Variants in CSMD1 observed in about 807,000 individuals in gnomAD.
CSMD1 encodes the protein CUB and sushi domain-containing protein 1.
Under a neutral mutation model 417.5 loss-of-function variants are expected in CSMD1, and 213 were observed. That is an observed-to-expected ratio of 0.51 (90% CI 0.46 to 0.57). CSMD1 has a LOEUF of 0.57. Among genes scored for constraint, CSMD1 ranks in the 20% least tolerant of loss-of-function variants. CSMD1 has a pLI of 0.00. For missense variants in CSMD1, 6,923 were observed against 4,529.7 expected, an observed-to-expected ratio of 1.53 and a Z score of -15.17; for synonymous variants, 2,862 against 1,736.8, an observed-to-expected ratio of 1.65 and a Z score of -16.11.
At chr8:3,703,740 G>C (rs1035182050) in intron 7 of CSMD1, among the ~76,000 whole-genome samples, 4 of 152,120 alleles carry the variant, frequency 2.6e-5, no homozygotes, top group Admixed American at 1.3e-4. Context: ...GCAGGAGTTT[G>C]TTTTAAATCT....
At chr8:4,706,591 C>T (rs1307952491) in intron 1 of CSMD1, among the ~76,000 whole-genome samples, 1 of 152,130 alleles carries the variant, frequency 6.6e-6, no homozygotes, top group Non-Finnish European at 1.5e-5. Flanking sequence ...TAAATTAGTT[C>T]AACTATTTAG....
At chr8:4,153,277 T>C (rs771512411) in intron 3 of CSMD1, among the ~76,000 whole-genome samples, 1 of 152,164 alleles carries the variant, frequency 6.6e-6, no homozygotes, top group Non-Finnish European at 1.5e-5. Flanking sequence ...AGACAGAGTG[T>C]CCAAGTTTGA....
At chr8:3,532,015 T>C (rs1798002721) in intron 10 of CSMD1, among the ~76,000 whole-genome samples, 1 of 152,202 alleles carries the variant, frequency 6.6e-6, no homozygotes, top group Admixed American at 6.5e-5. Context: ...ATGGCACACC[T>C]GGTCCTAAAC....
At chr8:3,459,932 C>G (rs917890659) in intron 12 of CSMD1, among the ~76,000 whole-genome samples, 3 of 152,100 alleles carry the variant, frequency 2.0e-5, no homozygotes, top group Non-Finnish European at 4.4e-5. Context: ...CATGATAATG[C>G]TACAAAAATC....
At chr8:3,328,249 C>T (rs1806663831) in intron 23 of CSMD1, among the ~76,000 whole-genome samples, 1 of 152,194 alleles carries the variant, frequency 6.6e-6, no homozygotes, top group Non-Finnish European at 1.5e-5. Context: ...TCCTACATTC[C>T]TGTAAGCATA....
intron 51 of CSMD1, 127 bp downstream of exon 51, chr8:3,029,192 A>G: frequency 1.6e-6 from 1 of 637,828 alleles, no homozygotes; most frequent in Non-Finnish European, 2.5e-6. Flanking sequence ...AAGACAGGCC[A>G]TTTGTTCTTT....
intron 1 of CSMD1, among the ~76,000 whole-genome samples, chr8:4,648,574 C>T (rs192382669): frequency 2.0e-5 from 3 of 152,082 alleles, no homozygotes; most frequent in Admixed American, 2.0e-4. Context: ...TCTATCTGCA[C>T]AAAAAATGTG....
At chr8:3,489,182 G>T (rs959983954) in intron 11 of CSMD1, among the ~76,000 whole-genome samples, 1 of 152,254 alleles carries the variant, frequency 6.6e-6, no homozygotes, top group East Asian at 1.9e-4. Context: ...GAGAAATGAC[G>T]TCTCAGCCAT....
At chr8:2,964,287 G>T (rs546956267) in intron 59 of CSMD1, among the ~76,000 whole-genome samples, 1 of 152,190 alleles carries the variant, frequency 6.6e-6, no homozygotes, top group Non-Finnish European at 1.5e-5. Flanking sequence ...CCAAAAGTTG[G>T]AAATGGGTCC....
intron 62 of CSMD1, 135 bp from the exon 63 acceptor site, chr8:2,957,942 T>C (rs1280550087): frequency 6.3e-6 from 4 of 635,356 alleles, no homozygotes; most frequent in Middle Eastern, 2.7e-4. Flanking sequence ...ACTGTCTAAG[T>C]CAACATGTAC....
intron 46 of CSMD1, among the ~76,000 whole-genome samples, chr8:3,104,756 G>C (rs1299059967): frequency 1.4e-5 from 2 of 144,996 alleles, no homozygotes; most frequent in Admixed American, 1.4e-4. Context: ...CTCCCAGGCT[G>C]GAGAGCAATG....
chr8:4,278,331 G>C (rs1415877436), intron 3 of CSMD1, among the ~76,000 whole-genome samples: 3 of 152,082 alleles, frequency 2.0e-5, no homozygotes, highest in Non-Finnish European at 2.9e-5. Flanking sequence ...TCTACAAAAT[G>C]GCTAATATGT....
chr8:3,950,015 A>G (rs1224889911), intron 5 of CSMD1: 8 of 455,810 alleles, frequency 1.8e-5, no homozygotes, highest in Admixed American at 1.6e-4. Flanking sequence ...GCCAGGGTCC[A>G]CGGCATTTCC....
intron 12 of CSMD1, among the ~76,000 whole-genome samples, chr8:3,452,440 A>T (rs1454657123): frequency 6.6e-6 from 1 of 152,136 alleles, no homozygotes; most frequent in African/African-American, 2.4e-5. Flanking sequence ...TCAGTATGAT[A>T]TTGGCTGTGG....
intron 11 of CSMD1, among the ~76,000 whole-genome samples, chr8:3,476,896 G>C (rs1162182303): frequency 7.6e-5 from 9 of 117,740 alleles, no homozygotes; most frequent in Non-Finnish European, 1.5e-4. Context: ...CTGAGCAACA[G>C]AGCGAAACTC....
intron 20 of CSMD1, among the ~76,000 whole-genome samples, chr8:3,363,751 A>G (rs1228562394): frequency 1.3e-5 from 2 of 152,178 alleles, no homozygotes; most frequent in African/African-American, 4.8e-5. Context: ...AACCTTTTGA[A>G]GAGAATGACT....
intron 2 of CSMD1, among the ~76,000 whole-genome samples, chr8:4,480,847 T>G (rs1411820471): frequency 6.6e-6 from 1 of 152,198 alleles, no homozygotes; most frequent in Non-Finnish European, 1.5e-5. Flanking sequence ...TGTCACACCA[T>G]TGTCATTAAT....
intron 5 of CSMD1, among the ~76,000 whole-genome samples, chr8:3,941,689 T>G: frequency 6.6e-6 from 1 of 152,206 alleles, no homozygotes; most frequent in Admixed American, 6.5e-5. Flanking sequence ...TAGAATGTAA[T>G]GAGATTTTTT....
intron 51 of CSMD1, among the ~76,000 whole-genome samples, chr8:3,019,561 G>C (rs542568857): frequency 6.6e-6 from 1 of 152,280 alleles, no homozygotes; most frequent in South Asian, 2.1e-4. Flanking sequence ...AGCTCTGTAA[G>C]AATGCTGACT....
Sources: gnomAD v4.1 joint callset for allele counts (sites outside exome capture counted in the v4.1 genomes callset) on GRCh38, gnomAD v4.1.1 for gene constraint, MANE v1.5 for transcripts, NCBI Gene and HGNC (gene_info 2026-07-23, HGNC 2026-07-21) for gene names.